Variants in PIGN observed in about 807,000 individuals in gnomAD.
PIGN encodes phosphatidylinositol glycan anchor biosynthesis class N.
In PIGN, 117 loss-of-function variants were observed where a neutral mutation model predicts 125.4. That is an observed-to-expected ratio of 0.93 (90% CI 0.80 to 1.09). The LOEUF (loss-of-function observed/expected upper bound fraction) is 1.09, where lower values mean the gene tolerates loss of function less well. Among genes scored for constraint, PIGN ranks in the 50% least tolerant of loss-of-function variants. The pLI is 0.00. For synonymous variants in PIGN, 392 were observed against 377.8 expected (o/e 1.04, Z -0.44); for missense variants, 1,075 against 1,094.9 (o/e 0.98, Z 0.26).
intron 1 of PIGN, among the ~76,000 whole-genome samples, chr18:62,167,157 T>A (rs1359555291): frequency 6.6e-6 from 1 of 152,104 alleles, no homozygotes; most frequent in Admixed American, 6.5e-5. Flanking sequence ...TTCTCTCCCG[T>A]ATGCCTTGTC....
At chr18:62,088,054 C>T (rs568711653) in intron 25 of PIGN, among the ~76,000 whole-genome samples, 11 of 152,226 alleles carry the variant, frequency 7.2e-5, no homozygotes, top group East Asian at 1.9e-4. Context: ...GCAGTAAGTA[C>T]GTGAGGCAAT....
intron 23 of PIGN, among the ~76,000 whole-genome samples, chr18:62,024,574 A>G (rs1386674128): frequency 1.3e-5 from 2 of 152,128 alleles, no homozygotes; most frequent in African/African-American, 4.8e-5. Flanking sequence ...CTTTTGCTCT[A>G]TAACTCCAAC....
chr18:62,050,853 T>G (rs2031218518), intron 30 of PIGN, among the ~76,000 whole-genome samples: 1 of 151,370 alleles, frequency 6.6e-6, no homozygotes, highest in South Asian at 2.1e-4. Context: ...TAGATAGCTC[T>G]TATTATTTTG....
chr18:62,067,035 T>C (rs181206288), intron 30 of PIGN, among the ~76,000 whole-genome samples: 1 of 152,230 alleles, frequency 6.6e-6, no homozygotes, highest in Non-Finnish European at 1.5e-5. Flanking sequence ...CTTTAGCTTT[T>C]ATCAGTCATA....
chr18:62,020,631 T>C (rs1176050258), intron 23 of PIGN, among the ~76,000 whole-genome samples: 2 of 151,870 alleles, frequency 1.3e-5, no homozygotes, highest in African/African-American at 4.8e-5. Flanking sequence ...GAGATACTCC[T>C]ACCTACCCAT....
chr18:62,116,680 A>G (rs2035097866), intron 14 of PIGN, among the ~76,000 whole-genome samples: 1 of 152,206 alleles, frequency 6.6e-6, no homozygotes, highest in African/African-American at 2.4e-5. Flanking sequence ...GGCCAAGATA[A>G]TGTCTTATAT....
intron 6 of PIGN, among the ~76,000 whole-genome samples, chr18:62,156,292 G>A (rs182975009): frequency 2.0e-5 from 3 of 152,166 alleles, no homozygotes; most frequent in East Asian, 3.9e-4. Flanking sequence ...TGGCATCTTC[G>A]ATGTATTAAA....
intron 16 of PIGN, 134 bp from the exon 17 acceptor site, chr18:62,110,107 G>A: frequency 1.4e-6 from 1 of 735,424 alleles, no homozygotes; most frequent in Non-Finnish European, 2.2e-6. Flanking sequence ...TAATCAAAGA[G>A]CTGCATTAAG....
chr18:62,175,648 G>A (rs189099833), intron 1 of PIGN, among the ~76,000 whole-genome samples: 7 of 152,130 alleles, frequency 4.6e-5, no homozygotes, highest in South Asian at 2.1e-4. Context: ...CACCACACCC[G>A]GCCAAATGCA....
intron 14 of PIGN, chr18:62,135,605 T>C (rs2035897084): frequency 1.3e-5 from 2 of 150,030 alleles, no homozygotes; most frequent in Admixed American, 1.4e-4. Flanking sequence ...TCTTTTCTTT[T>C]GTTTTTTCTT....
chr18:62,080,017 T>C (rs1335220327), intron 28 of PIGN, among the ~76,000 whole-genome samples: 1 of 152,130 alleles, frequency 6.6e-6, no homozygotes, highest in African/African-American at 2.4e-5. Flanking sequence ...AAAATATCCA[T>C]CAGAACAAAA....
chr18:62,124,021 T>C (rs1032416027), intron 14 of PIGN, among the ~76,000 whole-genome samples: 8 of 152,152 alleles, frequency 5.3e-5, no homozygotes, highest in Admixed American at 1.3e-4. Context: ...AAGCATCATA[T>C]AGAGAGACTG....
chr18:62,059,286 A>T (rs1272217259), intron 30 of PIGN: 1 of 151,982 alleles, frequency 6.6e-6, no homozygotes, highest in Non-Finnish European at 1.5e-5. Flanking sequence ...TCTTCAGCAT[A>T]GAGCCTGGAG....
In PIGN at chr18:62,069,709, A is replaced by T. The variant is rs895088623; in HGVS notation, c.2672+2964T>A. 5 of 152,202 alleles carry T rather than the reference A, an allele frequency of 3.3e-5. 1 individual carries two copies. The South Asian group carries it at 1.0e-3, about 32-fold the overall frequency. 9.4% of individuals were successfully genotyped at this position (152,202 alleles called of 1,614,324 possible). A position where few individuals can be genotyped will look rare whatever the true frequency, so the allele number is the denominator to read the frequency against. On this transcript the variant is annotated intron_variant, in intron 30 of 30. Transcript: ENST00000640252. ...CTGATGAGCGGGAGAATGGGGTGTG[A>T]CTGATTAATGCATTCAGAGTTTGTT... is the stretch of plus-strand genomic sequence containing the variant.
intron 23 of PIGN, among the ~76,000 whole-genome samples, chr18:62,027,830 C>G (rs2030143109): frequency 6.6e-6 from 1 of 151,898 alleles, no homozygotes; most frequent in Admixed American, 6.6e-5. Flanking sequence ...TTGCTTGAGC[C>G]TGGGAGGTCA....
intron 22 of PIGN, among the ~76,000 whole-genome samples, chr18:62,099,684 G>A (rs926125243): frequency 6.6e-6 from 1 of 152,020 alleles, no homozygotes; most frequent in Admixed American, 6.6e-5. Flanking sequence ...AACTCATTTA[G>A]ACAAAGGCAC....
At chr18:62,107,453 C>T (rs982735026) in intron 17 of PIGN, 3 of 210,740 alleles carry the variant, frequency 1.4e-5, no homozygotes, top group African/African-American at 7.1e-5. Context: ...ATTAGCCAGG[C>T]GTGATGGCAC....
chr18:62,161,060 T>G (rs2036933967), intron 4 of PIGN, 73 bp downstream of exon 4: 1 of 924,714 alleles, frequency 1.1e-6, no homozygotes, highest in African/African-American at 1.6e-5. Context: ...TGATAAATAG[T>G]AAGATATTTT....
chr18:62,141,480 C>T (rs1459444236), intron 11 of PIGN, among the ~76,000 whole-genome samples: 3 of 152,176 alleles, frequency 2.0e-5, no homozygotes, highest in Admixed American at 6.5e-5. Context: ...TTTTCAGATA[C>T]GTTCGCTAGT....
Sources: allele counts gnomAD v4.1 joint callset (sites outside exome capture counted in the v4.1 genomes callset), GRCh38; gene constraint gnomAD v4.1.1; transcripts MANE v1.5; gene names NCBI Gene and HGNC (gene_info 2026-07-23, HGNC 2026-07-21).